The following PRDM11 variants were observed in gnomAD, a reference collection of about 807,000 sequenced individuals.
The protein encoded by PRDM11 is PR domain-containing protein 11.
A neutral mutation model predicts 97.8 loss-of-function variants in PRDM11; 20 were observed. The observed-to-expected ratio is 0.20, with a 90% CI of 0.14 to 0.30. The LOEUF (loss-of-function observed/expected upper bound fraction) is 0.30. Among genes scored for constraint, PRDM11 ranks in the 10% least tolerant of loss-of-function variants. The pLI, the probability that PRDM11 is intolerant of heterozygous loss-of-function variation, is 1.00. For synonymous variants in PRDM11, 599 were observed against 637.7 expected, an observed-to-expected ratio of 0.94 and a Z score of 0.91; for missense variants, 1,139 against 1,555.2, an observed-to-expected ratio of 0.73 and a Z score of 4.50.
intron 6 of PRDM11, among the ~76,000 whole-genome samples, chr11:45,223,980 A>G (rs975346013): frequency 2.0e-5 from 3 of 152,212 alleles, no homozygotes; most frequent in African/African-American, 7.2e-5. Context: ...GCTTGTAGAC[A>G]TGAGGCTTCT....
intron 5 of PRDM11, among the ~76,000 whole-genome samples, chr11:45,218,574 G>A (rs1353405050): frequency 6.6e-6 from 1 of 152,192 alleles, no homozygotes; most frequent in Non-Finnish European, 1.5e-5. Context: ...ACATAAAGAA[G>A]TTTATTTTTT....
intron 1 of PRDM11, among the ~76,000 whole-genome samples, chr11:45,133,502 T>C (rs555742696): frequency 6.6e-6 from 1 of 152,376 alleles, no homozygotes; most frequent in Non-Finnish European, 1.5e-5. Context: ...TTTCTGATGA[T>C]ATTGTTTTAA....
Position 45,226,915 on chromosome 11 carries a change from CG to C in PRDM11, c.2292del (p.His766ThrfsTer23). The C allele has an allele frequency of 6.5e-7, 1 of 1,533,884 alleles. No individual in the cohort carries two copies. Among genetic ancestry groups the C allele is most frequent in the Non-Finnish European group, 8.7e-7 (1 of 1,146,714 alleles). On this transcript the variant is annotated frameshift_variant, in exon 8 of 8. Coordinates refer to ENST00000683152, the MANE Select transcript of PRDM11 (RefSeq NM_001384648.1). LOFTEE classifies it high-confidence loss of function. ...GCTGTGCCTGCCCTTCATGGTGCAC[CG>C]GCCCCACCTGGAGATCCTGGATGCC... Reference protein sequence around the residue: ...WLLCLPFMVHRPHLEILDAIS... With the variant: ...WLLCLPFMVHXPHLEILDAIS...
chr11:45,174,590 G>A (rs1426665321), intron 1 of PRDM11, among the ~76,000 whole-genome samples: 2 of 152,154 alleles, frequency 1.3e-5, no homozygotes, highest in Non-Finnish European at 2.9e-5. Context: ...CGCCACTTGT[G>A]TGCCTGATAC....
At chr11:45,095,038 T>C (rs1237453011), upstream of PRDM11, among the ~76,000 whole-genome samples, 1 of 152,120 alleles carries the variant, frequency 6.6e-6, no homozygotes, top group Non-Finnish European at 1.5e-5. Flanking sequence ...GGCAGGGAAC[T>C]GGGCCGGCTG....
intron 4 of PRDM11, among the ~76,000 whole-genome samples, chr11:45,197,564 T>C (rs1853169523): frequency 6.6e-6 from 1 of 152,218 alleles, no homozygotes; most frequent in Admixed American, 6.5e-5. Context: ...GTTTATATCA[T>C]AGTTTGTGGC....
Position 45,228,105 on chromosome 11 carries a change from G to A in PRDM11, c.3480G>A (p.Gln1160=). ...EVLSRMSALE[Q]KPALQTMDHG... Reference sequence around the variant, plus strand: ...TCAGTAGGATGTCTGCGCTGGAGCAGAAGCCAGCACTACAGACCATGGACC... The same window carrying A: ...TCAGTAGGATGTCTGCGCTGGAGCAAAAGCCAGCACTACAGACCATGGACC... Residue 1160 remains glutamine, a synonymous_variant, in exon 8 of 8, where the codon CAG becomes CAA. Coordinates refer to ENST00000683152, the MANE Select transcript of PRDM11 (RefSeq NM_001384648.1). The A allele has an allele frequency of 6.5e-7, 1 of 1,533,804 alleles. No individual in the cohort carries two copies. The highest frequency in any genetic ancestry group is 8.7e-7 in the Non-Finnish European group (1 of 1,146,706).
upstream of PRDM11, among the ~76,000 whole-genome samples, chr11:45,095,638 A>G (rs1268306086): frequency 2.6e-5 from 4 of 152,260 alleles, no homozygotes; most frequent in African/African-American, 9.6e-5. Flanking sequence ...ACTATGTGAC[A>G]AAGTTCTGAC....
chr11:45,144,877 G>A (rs1233053397), upstream of PRDM11, among the ~76,000 whole-genome samples: 1 of 152,180 alleles, frequency 6.6e-6, no homozygotes, highest in African/African-American at 2.4e-5. Flanking sequence ...TGCAACTGGA[G>A]GTGCATTCAG....
At chr11:45,199,542 G>A (rs776227503) in intron 4 of PRDM11, among the ~76,000 whole-genome samples, 19 of 152,196 alleles carry the variant, frequency 1.2e-4, no homozygotes, top group Non-Finnish European at 2.2e-4. Context: ...TATCAGCCTG[G>A]TTCCGGGTTA....
Position 45,226,962 on chromosome 11 carries a change from A to G in PRDM11, c.2337A>G (p.Pro779=). ...ATGCCATCAGCGGGAAGGAGCTCCCATGCCTGGAGGAGCTGGAGAACAACC... is the reference window on the plus strand; with the variant it reads ...ATGCCATCAGCGGGAAGGAGCTCCCGTGCCTGGAGGAGCTGGAGAACAACC... ...ILDAISGKEL[P]CLEELENNLK... The change falls in exon 8 of 8, where the codon CCA becomes CCG. Residue 779 remains proline, a synonymous_variant. Coordinates refer to ENST00000683152, the MANE Select transcript of PRDM11 (RefSeq NM_001384648.1). 1.3e-6 allele frequency: 2 copies of G among 1,533,920 alleles called. No individual in the cohort carries two copies. The highest frequency in any genetic ancestry group is 2.4e-5 in the East Asian group (1 of 40,908).
At position 45,175,919 on chromosome 11, in the gene PRDM11, A is replaced by G. The variant is rs55909799; in HGVS notation, c.-6-5842A>G. ...TATTTATTTGAGTATTAATGTCTTC[A>G]TGGTTTTCCTTAAAGCATATTAGCC... On this transcript the variant is annotated intron_variant, in intron 1 of 7. Transcript: ENST00000683152. Among the ~76,000 whole-genome samples the G allele has an allele frequency of 7.2e-3, 1,090 of 152,298 alleles. 12 individuals carry two copies. The highest frequency in any genetic ancestry group is 0.025 in the African/African-American group (1,036 of 41,572).
In PRDM11 at chr11:45,154,172, TAGTG is replaced by T. The variant is rs1255589860; in HGVS notation, c.-7+7298_-7+7301del. ...GAGTTTGAGACCAGCCTGGGCAACATAGTGAGACCCTGTATTTACAAAAAATGAA... is the reference window on the plus strand; with the variant it reads ...GAGTTTGAGACCAGCCTGGGCAACATAGACCCTGTATTTACAAAAAATGAA... On this transcript the variant is annotated intron_variant, in intron 1 of 7. Transcript: ENST00000683152. 1.3e-5 allele frequency among the ~76,000 whole-genome samples: 2 copies of T among 151,834 alleles called. 1 individual carries two copies. Among genetic ancestry groups the T allele is most frequent in the Admixed American group, 1.3e-4 (2 of 15,240 alleles).
chr11:45,157,200 G>T (rs996016770), intron 1 of PRDM11, among the ~76,000 whole-genome samples: 41 of 152,264 alleles, frequency 2.7e-4, no homozygotes, highest in Middle Eastern at 6.8e-3. Flanking sequence ...GGGCACAAGG[G>T]ACCATTTCAT....
At chr11:45,206,536 C>T (rs1853517660) in intron 5 of PRDM11, among the ~76,000 whole-genome samples, 2 of 152,204 alleles carry the variant, frequency 1.3e-5, no homozygotes, top group Admixed American at 6.5e-5. Context: ...GCTTTTAAGG[C>T]GCCGGGAGCT....
chr11:45,116,479 T>C (rs1565232393), intron 1 of PRDM11, among the ~76,000 whole-genome samples: 1 of 152,200 alleles, frequency 6.6e-6, no homozygotes, highest in Admixed American at 6.5e-5. Flanking sequence ...TGGATAGCAA[T>C]GACAATAAGG....
At chr11:45,127,353 G>C (rs182265726) in intron 1 of PRDM11, among the ~76,000 whole-genome samples, 39 of 152,294 alleles carry the variant, frequency 2.6e-4, no homozygotes, top group Non-Finnish European at 5.1e-4. Context: ...GTCATTCTCC[G>C]TCCAGCTTTG....
At chr11:45,182,485 C>T (rs936909003) in intron 3 of PRDM11, 136 bp downstream of exon 3, 7 of 799,396 alleles carry the variant, frequency 8.8e-6, no homozygotes, top group Non-Finnish European at 1.2e-5. Context: ...GGCCTTGGTT[C>T]GTCATCATCA....
At chr11:45,148,119 T>G (rs1312903986) in intron 1 of PRDM11, among the ~76,000 whole-genome samples, 1 of 152,138 alleles carries the variant, frequency 6.6e-6, no homozygotes, top group East Asian at 1.9e-4. Context: ...GCCCGCCGAC[T>G]CTCTGAAAGG....
Sources: allele counts gnomAD v4.1 joint callset (sites outside exome capture counted in the v4.1 genomes callset), GRCh38; gene constraint gnomAD v4.1.1; transcripts MANE v1.5; gene names NCBI Gene and HGNC (gene_info 2026-07-23, HGNC 2026-07-21).